LRP1B: variants seen among roughly 807,000 people sequenced by gnomAD.
LRP1B encodes low-density lipoprotein receptor-related protein 1B.
LRP1B carries 217 observed loss-of-function variants against 556.6 expected under a neutral mutation model. The ratio of observed to expected loss-of-function variants is 0.39; its 90% CI spans 0.35 to 0.44. The LOEUF (loss-of-function observed/expected upper bound fraction) is 0.44, where lower values mean the gene tolerates loss of function less well. LRP1B is among the 20% of genes least tolerant of loss of function. LRP1B has a pLI of 1.00. For synonymous variants in LRP1B, 2,047 were observed against 1,865.8 expected (o/e 1.10, Z -2.50); for missense variants, 5,053 against 5,620.8 (o/e 0.90, Z 3.23).
chr2:140,710,966 T>C (rs1384383230), intron 37 of LRP1B, among the ~76,000 whole-genome samples: 1 of 152,000 alleles, frequency 6.6e-6, no homozygotes, highest in Non-Finnish European at 1.5e-5. Context: ...GAGAGTGACC[T>C]GAGCCTATCT....
chr2:140,902,896 AAC>A, intron 23 of LRP1B, 22 bp downstream of exon 23: 1 of 1,607,564 alleles, frequency 6.2e-7, no homozygotes, highest in Non-Finnish European at 8.5e-7. Context: ...TAAATATAGC[AAC>A]ACACACAAAA....
At chr2:140,817,747 TTAAA>T (rs1325715663) in intron 31 of LRP1B, among the ~76,000 whole-genome samples, 3 of 152,046 alleles carry the variant, frequency 2.0e-5, no homozygotes, top group African/African-American at 2.4e-5. Flanking sequence ...TGGCTCAAAA[TTAAA>T]TAAATATACT....
At chr2:141,364,294 C>T (rs920702557) in intron 3 of LRP1B, among the ~76,000 whole-genome samples, 1 of 149,970 alleles carries the variant, frequency 6.7e-6, no homozygotes, top group Non-Finnish European at 1.5e-5. Flanking sequence ...CACACACACA[C>T]GCAAACACAC....
chr2:140,957,566 A>T (rs1337504167), intron 18 of LRP1B, among the ~76,000 whole-genome samples: 1 of 151,726 alleles, frequency 6.6e-6, no homozygotes, highest in Non-Finnish European at 1.5e-5. Context: ...TAGGTAAAAT[A>T]ACAGCCAAAT....
intron 18 of LRP1B, among the ~76,000 whole-genome samples, chr2:140,952,355 A>C (rs1695742191): frequency 6.6e-6 from 1 of 152,198 alleles, no homozygotes; most frequent in Non-Finnish European, 1.5e-5. Context: ...CAGAGAGCCA[A>C]AGATGAAAAG....
chr2:140,868,321 A>ATATT (rs1320924742), intron 25 of LRP1B, 58 bp from the exon 26 acceptor site: 1 of 1,452,024 alleles, frequency 6.9e-7, no homozygotes, highest in Non-Finnish European at 9.1e-7. Context: ...CATTTCACAG[A>ATATT]TATTTATTGA....
intron 85 of LRP1B, among the ~76,000 whole-genome samples, chr2:140,270,782 T>C (rs1682422912): frequency 6.6e-6 from 1 of 151,966 alleles, no homozygotes; most frequent in African/African-American, 2.4e-5. Flanking sequence ...GTGGAAAATC[T>C]GTTTCAAAGA....
At chr2:141,395,223 T>A (rs1690198406) in intron 3 of LRP1B, among the ~76,000 whole-genome samples, 1 of 152,122 alleles carries the variant, frequency 6.6e-6, no homozygotes, top group Admixed American at 6.6e-5. Context: ...CACCACTCAC[T>A]CAGTGATTTA....
intron 66 of LRP1B, among the ~76,000 whole-genome samples, chr2:140,398,194 A>G (rs1193447114): frequency 6.6e-6 from 1 of 152,148 alleles, no homozygotes; most frequent in Non-Finnish European, 1.5e-5. Flanking sequence ...ACCAAGGTGG[A>G]AAGTGAAGAT....
At chr2:142,119,757 ACT>A (rs1019660581) in intron 1 of LRP1B, among the ~76,000 whole-genome samples, 20 of 150,780 alleles carry the variant, frequency 1.3e-4, no homozygotes, top group African/African-American at 3.7e-4. Context: ...TTTGCCTCTC[ACT>A]CTCTCTTTCC....
At chr2:140,968,378 C>T (rs187813398) in intron 18 of LRP1B, among the ~76,000 whole-genome samples, 13 of 152,020 alleles carry the variant, frequency 8.6e-5, no homozygotes, top group African/African-American at 3.1e-4. Flanking sequence ...GTGGTGATAT[C>T]CGTTTTATCA....
Position 140,659,831 on chromosome 2 carries a change from G to A in LRP1B, c.6799+40419C>T, listed in dbSNP as rs189364041. Reference sequence around the variant, plus strand: ...ACGAGACTAGTGAGAAAAACAGGATGAGAGATAAGAAATAAATTTTTAAGA... The same window carrying A: ...ACGAGACTAGTGAGAAAAACAGGATAAGAGATAAGAAATAAATTTTTAAGA... On this transcript the variant is annotated intron_variant, in intron 41 of 90. Coordinates refer to ENST00000389484, the MANE Select transcript of LRP1B (RefSeq NM_018557.3). 4.0e-3 allele frequency among the ~76,000 whole-genome samples: 616 copies of A among 152,142 alleles called. 3 individuals are homozygous for A. Among genetic ancestry groups the A allele is most frequent in the Middle Eastern group, 0.017 (5 of 294 alleles).
At chr2:140,387,375 T>C (rs1331572845) in intron 66 of LRP1B, among the ~76,000 whole-genome samples, 1 of 152,216 alleles carries the variant, frequency 6.6e-6, no homozygotes, top group Non-Finnish European at 1.5e-5. Flanking sequence ...AGCATTTTCA[T>C]ACACAGAATC....
At chr2:140,728,355 G>A (rs896401359) in intron 35 of LRP1B, among the ~76,000 whole-genome samples, 1 of 152,138 alleles carries the variant, frequency 6.6e-6, no homozygotes, top group Admixed American at 6.5e-5. Context: ...GAACTAAAAT[G>A]TGCTGTCACC....
At chr2:140,786,491 T>C (rs1197643493) in intron 32 of LRP1B, among the ~76,000 whole-genome samples, 2 of 152,234 alleles carry the variant, frequency 1.3e-5, no homozygotes, top group Non-Finnish European at 1.5e-5. Context: ...GTTAGTCTAT[T>C]AGCTTCTCTT....
intron 1 of LRP1B, among the ~76,000 whole-genome samples, chr2:141,993,068 A>G (rs1186884340): frequency 6.6e-6 from 1 of 152,114 alleles, no homozygotes; most frequent in Non-Finnish European, 1.5e-5. Context: ...AAATAAATCC[A>G]TGGTAAAAAA....
intron 7 of LRP1B, among the ~76,000 whole-genome samples, chr2:141,176,461 T>C (rs962410352): frequency 1.3e-5 from 2 of 152,128 alleles, no homozygotes; most frequent in East Asian, 3.9e-4. Context: ...CCCCTTGGTC[T>C]CTCTCTCACC....
chr2:140,488,703 G>C (rs1313939059), intron 57 of LRP1B, among the ~76,000 whole-genome samples: 1 of 151,942 alleles, frequency 6.6e-6, no homozygotes, highest in Non-Finnish European at 1.5e-5. Flanking sequence ...TAATGTTATA[G>C]ACATTTGGCA....
chr2:141,980,367 G>T (rs893484809), intron 1 of LRP1B, among the ~76,000 whole-genome samples: 1 of 152,070 alleles, frequency 6.6e-6, no homozygotes, highest in African/African-American at 2.4e-5. Context: ...GCACAATTAC[G>T]TGGGTTTAAG....
Sources: gnomAD v4.1 joint callset for allele counts (sites outside exome capture counted in the v4.1 genomes callset) on GRCh38, gnomAD v4.1.1 for gene constraint, MANE v1.5 for transcripts, NCBI Gene and HGNC (gene_info 2026-07-23, HGNC 2026-07-21) for gene names.